The following PLCL1 variants were observed in gnomAD, a reference collection of about 807,000 sequenced individuals.
PLCL1 encodes inactive phospholipase C-like protein 1.
In PLCL1, 41 loss-of-function variants were observed where a neutral mutation model predicts 84.4. The observed-to-expected ratio is 0.49, with a 90% CI of 0.38 to 0.63. The LOEUF (loss-of-function observed/expected upper bound fraction) is 0.63. Among genes scored for constraint, PLCL1 ranks in the 30% least tolerant of loss-of-function variants. The pLI is 0.00. For synonymous variants in PLCL1, 490 were observed against 488.3 expected, an observed-to-expected ratio of 1.00 and a Z score of -0.05; for missense variants, 1,206 against 1,367.8, an observed-to-expected ratio of 0.88 and a Z score of 1.87.
chr2:197,903,361 A>G (rs377408176), intron 1 of PLCL1, among the ~76,000 whole-genome samples: 25 of 151,852 alleles, frequency 1.6e-4, no homozygotes, highest in African/African-American at 5.3e-4. Flanking sequence ...CTCTAGTCCA[A>G]TGCCTGTATT....
chr2:197,835,414 C>A (rs908976579), intron 1 of PLCL1, among the ~76,000 whole-genome samples: 2 of 152,124 alleles, frequency 1.3e-5, no homozygotes, highest in Non-Finnish European at 2.9e-5. Context: ...TATACAGGTC[C>A]ATAACATTTT....
intron 1 of PLCL1, among the ~76,000 whole-genome samples, chr2:197,946,450 G>T (rs1035596586): frequency 6.6e-6 from 1 of 152,036 alleles, no homozygotes; most frequent in Admixed American, 6.6e-5. Flanking sequence ...TACAGAAAAA[G>T]AAGTGAAAAA....
At chr2:198,123,448 G>C (rs1158476803) in intron 5 of PLCL1, among the ~76,000 whole-genome samples, 1 of 151,894 alleles carries the variant, frequency 6.6e-6, no homozygotes. Flanking sequence ...TTGGTGGGGC[G>C]GGGGATAATC....
At chr2:197,915,971 C>T (rs1228666708) in intron 1 of PLCL1, among the ~76,000 whole-genome samples, 1 of 152,142 alleles carries the variant, frequency 6.6e-6, no homozygotes, top group Non-Finnish European at 1.5e-5. Context: ...GCTTTAGTTG[C>T]TATAACTAAG....
chr2:197,941,228 G>T (rs763659606), intron 1 of PLCL1, among the ~76,000 whole-genome samples: 1 of 152,086 alleles, frequency 6.6e-6, no homozygotes, highest in African/African-American at 2.4e-5. Flanking sequence ...ATTGAACTAA[G>T]TAGTGACCTG....
intron 1 of PLCL1, among the ~76,000 whole-genome samples, chr2:198,050,588 G>A (rs1045653244): frequency 2.0e-5 from 3 of 152,164 alleles, no homozygotes; most frequent in African/African-American, 7.2e-5. Context: ...ATGCTAAAAG[G>A]TTGTTTTGTG....
intron 1 of PLCL1, among the ~76,000 whole-genome samples, chr2:197,943,024 T>C (rs1001711764): frequency 1.3e-5 from 2 of 151,870 alleles, no homozygotes; most frequent in Non-Finnish European, 2.9e-5. Flanking sequence ...CTGGGCAGTA[T>C]AGTGAGACCT....
Position 198,137,258 on chromosome 2 carries a change from AT to A in PLCL1, c.3106-9515del, listed in dbSNP as rs201247601. Among the ~76,000 whole-genome samples the A allele has an allele frequency of 4.1e-3, 631 of 152,238 alleles. 4 individuals carry two copies. The highest frequency in any genetic ancestry group is 0.041 in the East Asian group (210 of 5,176). On this transcript the variant is annotated intron_variant, in intron 5 of 5. Transcript: ENST00000428675. Reference sequence around the variant, plus strand: ...TTTCTCGTGTGAACCTGGGCAATGTATTTTTTTAGCTTTCCTGTGTCCATTT... The same window carrying A: ...TTTCTCGTGTGAACCTGGGCAATGTATTTTTTAGCTTTCCTGTGTCCATTT...
chr2:197,847,123 C>T lies in PLCL1; in HGVS notation c.240+41784C>T, dbSNP rs544166974. 2.6e-4 allele frequency among the ~76,000 whole-genome samples: 39 copies of T among 152,184 alleles called. No homozygotes were observed. The South Asian group carries it at 6.0e-3, about 23-fold the overall frequency. On this transcript the variant is annotated intron_variant, in intron 1 of 5. Transcript: ENST00000428675. ...TTAAATATGGTCAGAAAGCACTTGA[C>T]GGAGGAGTGTTTACTGTAGAAACCT...
Position 197,805,075 on chromosome 2 carries a change from CG to C in PLCL1, c.-21del. The C allele has an allele frequency of 3.5e-6, 5 of 1,422,846 alleles. No individual in the cohort carries two copies. The highest frequency in any genetic ancestry group is 2.9e-5 in the Admixed American group (1 of 35,034). The allele number at this position is 1,422,846 out of a possible 1,614,324, so 88.1% of individuals were successfully genotyped here. On this transcript the variant is annotated 5_prime_UTR_variant, in exon 1 of 6. Transcript: ENST00000428675. This position sits in a 1 kb window ranked among gnomAD's most constrained non-coding sequence, Gnocchi z 4.0. Reference sequence around the variant, plus strand: ...CGCTGCCGGGCGTCCCGCTTTCCCCCGGGGAGCCCTAAACGCTCCAGGCCAT... The same window carrying C: ...CGCTGCCGGGCGTCCCGCTTTCCCCCGGGAGCCCTAAACGCTCCAGGCCAT...
chr2:198,029,511 C>T (rs916729747), intron 1 of PLCL1, among the ~76,000 whole-genome samples: 1 of 152,066 alleles, frequency 6.6e-6, no homozygotes, highest in Non-Finnish European at 1.5e-5. Flanking sequence ...CCCCGAAGAA[C>T]AACTGGAGTG....
chr2:198,073,373 C>T (rs944272079), intron 1 of PLCL1, among the ~76,000 whole-genome samples: 2 of 152,164 alleles, frequency 1.3e-5, no homozygotes, highest in African/African-American at 4.8e-5. Flanking sequence ...GTTCCTTGAA[C>T]ATGAGCAGAT....
chr2:198,054,451 CAG>C (rs1368043428), intron 1 of PLCL1, among the ~76,000 whole-genome samples: 1 of 152,208 alleles, frequency 6.6e-6, no homozygotes, highest in Non-Finnish European at 1.5e-5. Context: ...TAACAAAATT[CAG>C]AGAGGACAGC....
chr2:198,066,996 A>G (rs1456078986), intron 1 of PLCL1, among the ~76,000 whole-genome samples: 1 of 152,176 alleles, frequency 6.6e-6, no homozygotes, highest in Non-Finnish European at 1.5e-5. Flanking sequence ...AGGTGCCATT[A>G]CAGTATATGC....
intron 1 of PLCL1, among the ~76,000 whole-genome samples, chr2:197,949,238 T>C (rs1689341586): frequency 6.6e-6 from 1 of 152,140 alleles, no homozygotes; most frequent in Non-Finnish European, 1.5e-5. Flanking sequence ...TTAAGGAGAA[T>C]CAATTCTACA....
chr2:198,119,416 G>T (rs780090204), intron 5 of PLCL1, among the ~76,000 whole-genome samples: 2 of 151,946 alleles, frequency 1.3e-5, no homozygotes, highest in Non-Finnish European at 2.9e-5. Flanking sequence ...TGGGGGCTTT[G>T]CTTACCTCCG....
chr2:198,068,910 C>T (rs1201448964), intron 1 of PLCL1, among the ~76,000 whole-genome samples: 1 of 152,052 alleles, frequency 6.6e-6, no homozygotes, highest in Non-Finnish European at 1.5e-5. Context: ...TGGCAGGCAC[C>T]TGTAGTCCCA....
Position 198,133,045 on chromosome 2 carries a change from A to G in PLCL1, c.3106-13735A>G, listed in dbSNP as rs539910885. Among the ~76,000 whole-genome samples the G allele has an allele frequency of 1.0e-3, 159 of 151,882 alleles. 1 individual carries two copies. Among genetic ancestry groups the G allele is most frequent in the African/African-American group, 3.6e-3 (148 of 41,410 alleles). On this transcript the variant is annotated intron_variant, in intron 5 of 5. Coordinates refer to ENST00000428675, the MANE Select transcript of PLCL1 (RefSeq NM_006226.4). ...GGGATCCAGTTTCAGCTTTCTACAT[A>G]TGGCTAGCCAGTTTTCCCAGCACCA...
At chr2:197,951,615 C>G (rs1345001435) in intron 1 of PLCL1, among the ~76,000 whole-genome samples, 1 of 152,142 alleles carries the variant, frequency 6.6e-6, no homozygotes, top group Non-Finnish European at 1.5e-5. Context: ...TGTTCAATCC[C>G]TTAATAACAC....
Sources: allele counts gnomAD v4.1 joint callset (sites outside exome capture counted in the v4.1 genomes callset), GRCh38; gene constraint gnomAD v4.1.1; non-coding constraint Gnocchi (gnomAD v3.1); transcripts MANE v1.5; gene names NCBI Gene and HGNC (gene_info 2026-07-23, HGNC 2026-07-21).